CPNE7: variants seen among roughly 807,000 people sequenced by gnomAD.
The protein encoded by CPNE7 is copine 7, also known as copine-7.
In CPNE7, 78 loss-of-function variants were observed where a neutral mutation model predicts 66.5. That is an observed-to-expected ratio of 1.17 (90% CI 0.98 to 1.42). CPNE7 has a LOEUF of 1.42. Among genes scored for constraint, CPNE7 ranks in the 40% most tolerant of loss-of-function variants. The pLI is 0.00. For synonymous variants in CPNE7, 468 were observed against 336.7 expected, an observed-to-expected ratio of 1.39 and a Z score of -4.27; for missense variants, 1,012 against 776.6, an observed-to-expected ratio of 1.30 and a Z score of -3.60.
chr16:89,594,676 A>G (rs2059226062), intron 13 of CPNE7, among the ~76,000 whole-genome samples: 1 of 101,952 alleles, frequency 9.8e-6, no homozygotes, highest in South Asian at 3.1e-4. Flanking sequence ...TTTTTTGGAG[A>G]CAGTCTCACT....
At chr16:89,588,123 G>A (rs1313316264) in intron 9 of CPNE7, among the ~76,000 whole-genome samples, 4 of 71,114 alleles carry the variant, frequency 5.6e-5, no homozygotes, top group Non-Finnish European at 1.1e-4. Context: ...CACGGCCCCC[G>A]TGTCACCCGC....
intron 7 of CPNE7, 105 bp from the exon 8 acceptor site, chr16:89,586,565 C>A: frequency 1.1e-6 from 1 of 882,136 alleles, no homozygotes. Flanking sequence ...CCCTCCCCAC[C>A]ACGGGGCCCT....
chr16:89,581,893 C>A (rs1435441724), intron 2 of CPNE7, among the ~76,000 whole-genome samples: 1 of 152,256 alleles, frequency 6.6e-6, no homozygotes, highest in Non-Finnish European at 1.5e-5. Context: ...GATCCACCCA[C>A]CCTGGGCTCC....
In CPNE7 at chr16:89,588,716, C is replaced by T. The variant is rs760195169; in HGVS notation, c.969C>T (p.Asn323=). ...DFTASNGDPR[N]SCSLHYINPY... ...CCGCCTCCAATGGAGACCCGCGGAA[C>T]AGCTGCTCCCTGCACTACATCAACC... is the stretch of plus-strand genomic sequence containing the variant. The change falls in exon 10 of 15, where the codon AAC becomes AAT. Residue 323 remains asparagine, a synonymous_variant. Transcript: ENST00000319518. The T allele has an allele frequency of 3.1e-6, 5 of 1,613,414 alleles. No homozygotes were observed. Among genetic ancestry groups the T allele is most frequent in the African/African-American group, 2.7e-5 (2 of 74,918 alleles).
rs755081681 is a variant in CPNE7 at position 89,586,651 on chromosome 16, C to A, written c.781-19C>A. ...TCAGAGCCACCACTCTGGGGGGCCT[C>A]TGCTTGTTCCTGCCCCAGGCCCAGT... On this transcript the variant is annotated intron_variant, in intron 7 of 14. Transcript: ENST00000319518. 6.2e-7 allele frequency: 1 copy of A among 1,607,990 alleles called. No individual in the cohort carries two copies. Among genetic ancestry groups the A allele is most frequent in the South Asian group, 1.1e-5 (1 of 90,932 alleles).
intron 1 of CPNE7, 102 bp from the exon 2 acceptor site, chr16:89,577,437 C>T: frequency 1.6e-6 from 2 of 1,223,002 alleles, no homozygotes; most frequent in Non-Finnish European, 1.1e-6. Context: ...TATGAGTCCT[C>T]CTGAGGTACC....
intron 2 of CPNE7, among the ~76,000 whole-genome samples, chr16:89,579,305 T>A (rs527830781): frequency 1.7e-4 from 25 of 150,434 alleles, no homozygotes; most frequent in South Asian, 8.5e-4. Flanking sequence ...AAAAAAAAAA[T>A]TTTACGATAA....
At chr16:89,576,239 T>G (rs1597687261) in intron 1 of CPNE7, among the ~76,000 whole-genome samples, 168 bp downstream of exon 1, 2 of 135,160 alleles carry the variant, frequency 1.5e-5, no homozygotes, top group African/African-American at 2.8e-5. Context: ...GGTCTGGGGG[T>G]GGGGTGTCCA....
Position 89,584,156 on chromosome 16 carries a change from C to T in CPNE7, c.507+54C>T, listed in dbSNP as rs1051493833. On this transcript the variant is annotated intron_variant, in intron 4 of 14. Coordinates refer to ENST00000319518, the MANE Select transcript of CPNE7 (RefSeq NM_153636.3). The surrounding 1 kb of genome is among the most constrained non-coding windows in gnomAD (Gnocchi z 6.0). ...TCAGGCTGAGGTCCGGGAACCGGTT[C>T]GAAAACCCGGTCCCTGCCCAGCGCT... 1.7e-5 allele frequency: 26 copies of T among 1,562,260 alleles called. No homozygotes were observed. The highest frequency in any genetic ancestry group is 1.9e-5 in the Non-Finnish European group (22 of 1,147,168).
intron 14 of CPNE7, among the ~76,000 whole-genome samples, chr16:89,596,075 T>C (rs1314884159): frequency 6.6e-6 from 1 of 151,992 alleles, no homozygotes; most frequent in South Asian, 2.1e-4. Context: ...AGATGTGAAG[T>C]TCTACACAGC....
intron 2 of CPNE7, among the ~76,000 whole-genome samples, chr16:89,580,343 A>G (rs1411188829): frequency 1.4e-5 from 2 of 146,682 alleles, no homozygotes; most frequent in Non-Finnish European, 3.0e-5. Context: ...CACACGGAAC[A>G]TCCCATCACC....
Position 89,584,209 on chromosome 16 carries a change from G to A in CPNE7, c.507+107G>A. On this transcript the variant is annotated intron_variant, in intron 4 of 14. Coordinates refer to ENST00000319518, the MANE Select transcript of CPNE7 (RefSeq NM_153636.3). The surrounding 1 kb of genome is among the most constrained non-coding windows in gnomAD (Gnocchi z 6.0). ...CCTCGCGTGGCTATGTCCCGTGTGA[G>A]ACGTGTGCGGAGTGTGCCTGGGGCT... The A allele has an allele frequency of 1.8e-6, 2 of 1,140,582 alleles. No individual in the cohort carries two copies. Among genetic ancestry groups the A allele is most frequent in the Non-Finnish European group, 2.5e-6 (2 of 803,390 alleles). The allele number at this position is 1,140,582 out of a possible 1,614,324, so 70.7% of individuals were successfully genotyped here.
In CPNE7 at chr16:89,575,780, C is replaced by G. The variant is rs1240295932; in HGVS notation, c.-118C>G. On this transcript the variant is annotated 5_prime_UTR_variant, in exon 1 of 15. Coordinates refer to ENST00000319518, the MANE Select transcript of CPNE7 (RefSeq NM_153636.3). ...GCCACGTGCGCCCGCGCCCGGCAGG[C>G]GTTCAGGGAAGCGCGGCCACGCCTG... 1.4e-6 allele frequency: 1 copy of G among 723,368 alleles called. No homozygotes were observed. Among genetic ancestry groups the G allele is most frequent in the Non-Finnish European group, 1.7e-6 (1 of 584,498 alleles). The allele number at this position is 723,368 out of a possible 1,614,324, so 44.8% of individuals were successfully genotyped here. A position where few individuals can be genotyped will look rare whatever the true frequency, so the allele number is the denominator to read the frequency against.
intron 13 of CPNE7, among the ~76,000 whole-genome samples, chr16:89,595,069 C>G (rs1254412729): frequency 1.3e-5 from 2 of 152,076 alleles, no homozygotes; most frequent in Non-Finnish European, 2.9e-5. Flanking sequence ...ACCTCCCATC[C>G]AGGCACTGTG....
intron 13 of CPNE7, among the ~76,000 whole-genome samples, chr16:89,593,853 G>A (rs535261021): frequency 2.0e-5 from 3 of 152,288 alleles, no homozygotes; most frequent in East Asian, 3.9e-4. Context: ...GTCCGGAGTC[G>A]AGGATTGCGT....
rs1406656532 is a variant in CPNE7 at position 89,592,654 on chromosome 16, G to A, written c.1302+1394G>A. Reference sequence around the variant, plus strand: ...AGACGGGGTTTCACAGTCTTGGCCAGGCTGGTCTTAAACTCCTGACCTTGT... The same window carrying A: ...AGACGGGGTTTCACAGTCTTGGCCAAGCTGGTCTTAAACTCCTGACCTTGT... On this transcript the variant is annotated intron_variant, in intron 13 of 14. Coordinates refer to ENST00000319518, the MANE Select transcript of CPNE7 (RefSeq NM_153636.3). 1.4e-4 allele frequency among the ~76,000 whole-genome samples: 21 copies of A among 148,822 alleles called. No homozygotes were observed. In the South Asian group the frequency reaches 4.1e-3, roughly 29 times the overall value.
chr16:89,593,513 C>T (rs1049237921), intron 13 of CPNE7, among the ~76,000 whole-genome samples: 12 of 150,980 alleles, frequency 7.9e-5, no homozygotes, highest in East Asian at 2.4e-4. Context: ...CCACCACGCC[C>T]GGCTAATTTT....
chr16:89,592,421 T>A (rs1161813252), intron 13 of CPNE7, among the ~76,000 whole-genome samples: 3 of 151,550 alleles, frequency 2.0e-5, no homozygotes, highest in Non-Finnish European at 4.4e-5. Flanking sequence ...TCTGTGTAGT[T>A]GTTGTATTTG....
In CPNE7 at chr16:89,596,546, C is replaced by T. The variant is rs1161828329; in HGVS notation, c.1602C>T (p.Tyr534=). The change falls in exon 15 of 15, where the codon TAC becomes TAT. Residue 534 remains tyrosine (Y), a synonymous_variant. Coordinates refer to ENST00000319518, the MANE Select transcript of CPNE7 (RefSeq NM_153636.3). The part of the protein sequence containing the change: ...LAEVPKQVVE[Y]YSHRGLPPRS... ...AGGTCCCGAAGCAGGTGGTGGAGTA[C>T]TACAGCCACAGAGGCCTGCCCCCGA... 1.2e-6 allele frequency: 2 copies of T among 1,609,886 alleles called. No homozygotes were observed. The highest frequency in any genetic ancestry group is 1.7e-6 in the Non-Finnish European group (2 of 1,179,838).
Sources: allele counts gnomAD v4.1 joint callset (sites outside exome capture counted in the v4.1 genomes callset), GRCh38; gene constraint gnomAD v4.1.1; non-coding constraint Gnocchi (gnomAD v3.1); transcripts MANE v1.5; gene names NCBI Gene and HGNC (gene_info 2026-07-23, HGNC 2026-07-21).